FRG1: variants seen among roughly 807,000 people sequenced by gnomAD.
FRG1 encodes protein FRG1.
Under a neutral mutation model 37.0 loss-of-function variants are expected in FRG1, and 19 were observed. The observed-to-expected ratio is 0.51, with a 90% CI of 0.36 to 0.75. The LOEUF is 0.75. Ranked by LOEUF, FRG1 falls within the 30% of genes least tolerant of loss-of-function variation. FRG1 has a pLI of 0.00. For synonymous variants in FRG1, 73 were observed against 96.5 expected, an observed-to-expected ratio of 0.76 and a Z score of 1.43; for missense variants, 243 against 301.4, an observed-to-expected ratio of 0.81 and a Z score of 1.44.
chr4:189,954,823 T>C (rs923744496), intron 4 of FRG1, among the ~76,000 whole-genome samples: 2 of 152,100 alleles, frequency 1.3e-5, no homozygotes, highest in African/African-American at 4.8e-5. Context: ...CTTGAACTTC[T>C]TGCCTCAAGC....
At chr4:189,956,227 C>T (rs1158862674) in intron 5 of FRG1, among the ~76,000 whole-genome samples, 1 of 152,086 alleles carries the variant, frequency 6.6e-6, no homozygotes, top group Non-Finnish European at 1.5e-5. Flanking sequence ...TTCCCCCGCC[C>T]CCCATACCGT....
intron 2 of FRG1, among the ~76,000 whole-genome samples, chr4:189,947,880 C>T (rs1201896011): frequency 2.6e-5 from 4 of 152,228 alleles, no homozygotes; most frequent in African/African-American, 9.6e-5. Context: ...TACCTCTCTC[C>T]GTGTGGTCAA....
chr4:189,946,680 T>C (rs1736542675), intron 2 of FRG1, among the ~76,000 whole-genome samples: 1 of 152,226 alleles, frequency 6.6e-6, no homozygotes, highest in Non-Finnish European at 1.5e-5. Context: ...ACGTGAGTTA[T>C]TTAAAAGTAT....
At chr4:189,944,369 G>C (rs529243805) in intron 2 of FRG1, among the ~76,000 whole-genome samples, 2 of 151,880 alleles carry the variant, frequency 1.3e-5, no homozygotes, top group East Asian at 1.9e-4. Flanking sequence ...GTAGCAACAG[G>C]GTTTCACCAT....
chr4:189,945,085 G>A (rs1736470574), intron 2 of FRG1, among the ~76,000 whole-genome samples: 1 of 152,156 alleles, frequency 6.6e-6, no homozygotes, highest in African/African-American at 2.4e-5. Context: ...TTTGCTGTCA[G>A]TATGTAGATA....
intron 1 of FRG1, 39 bp from the exon 2 acceptor site, chr4:189,943,163 A>G: frequency 6.6e-7 from 1 of 1,514,416 alleles, no homozygotes; most frequent in Non-Finnish European, 9.0e-7. Context: ...CGTACAAATC[A>G]ATATACCTAA....
At chr4:189,954,298 A>G (rs1736885849) in intron 4 of FRG1, among the ~76,000 whole-genome samples, 1 of 152,192 alleles carries the variant, frequency 6.6e-6, no homozygotes, top group Admixed American at 6.5e-5. Flanking sequence ...GTTTGATGAC[A>G]TAAGAACTTT....
chr4:189,948,100 C>A (rs1257814690), intron 2 of FRG1, among the ~76,000 whole-genome samples: 2 of 152,278 alleles, frequency 1.3e-5, no homozygotes, highest in African/African-American at 4.8e-5. Flanking sequence ...GCGTCTTTTT[C>A]TCTTTGTCCT....
In FRG1 at chr4:189,941,039, C is replaced by G. The variant is rs774732826; in HGVS notation, c.30C>G (p.Thr10=). ...CCGAGTACTCCTACGTGAAGTCTAC[C>G]AAGCTCGTGCTCAAGGGAACCAAGA... MAEYSYVKS[T]KLVLKGTKTK... Residue 10 remains threonine, a synonymous_variant, in exon 1 of 9, where the codon ACC becomes ACG. Coordinates refer to ENST00000226798, the MANE Select transcript of FRG1 (RefSeq NM_004477.3). The G allele has an allele frequency of 2.0e-5, 33 of 1,614,022 alleles. No homozygotes were observed. The highest frequency in any genetic ancestry group is 1.9e-4 in the South Asian group (17 of 91,084).
intron 8 of FRG1, among the ~76,000 whole-genome samples, chr4:189,962,696 T>G (rs1360254699): frequency 6.6e-6 from 1 of 152,202 alleles, no homozygotes. Context: ...TATCTCATTG[T>G]AAGAAATCAA....
intron 2 of FRG1, among the ~76,000 whole-genome samples, chr4:189,949,166 T>C (rs1035332217): frequency 3.2e-4 from 49 of 152,224 alleles, no homozygotes; most frequent in South Asian, 2.1e-4. Context: ...ATCTGCACCA[T>C]ATACACAGCT....
intron 5 of FRG1, among the ~76,000 whole-genome samples, chr4:189,955,568 T>C (rs558994129): frequency 6.6e-6 from 1 of 152,284 alleles, no homozygotes; most frequent in African/African-American, 2.4e-5. Flanking sequence ...ATAATAATAG[T>C]TCATTGAAGT....
intron 6 of FRG1, among the ~76,000 whole-genome samples, chr4:189,958,115 T>C (rs534080592): frequency 2.7e-4 from 41 of 152,136 alleles, no homozygotes; most frequent in African/African-American, 9.4e-4. Context: ...GTTTTCTCTT[T>C]TTCTTGCTTT....
chr4:189,943,170 C>G, intron 1 of FRG1, 32 bp from the exon 2 acceptor site: 1 of 1,527,922 alleles, frequency 6.5e-7, no homozygotes, highest in Non-Finnish European at 8.9e-7. Context: ...ATCAATATAC[C>G]TAAACTCGTC....
intron 6 of FRG1, chr4:189,959,859 C>T: frequency 1.0e-6 from 1 of 983,490 alleles, no homozygotes; most frequent in Non-Finnish European, 1.2e-6. Flanking sequence ...CTCCTAATCT[C>T]TGTCAGCCCT....
At chr4:189,955,204 G>T in intron 5 of FRG1, 53 bp downstream of exon 5, 3 of 1,046,850 alleles carry the variant, frequency 2.9e-6, no homozygotes, top group Non-Finnish European at 4.5e-6. Flanking sequence ...CAGAAAGTCT[G>T]TTAACAGTCA....
intron 2 of FRG1, among the ~76,000 whole-genome samples, chr4:189,951,614 G>T (rs1479897696): frequency 1.3e-5 from 2 of 152,124 alleles, no homozygotes; most frequent in East Asian, 1.9e-4. Flanking sequence ...TCTATCATGA[G>T]AGAGACCATT....
chr4:189,953,680 T>C (rs28673445), intron 4 of FRG1, among the ~76,000 whole-genome samples: 19,532 of 152,060 alleles, frequency 0.13, 3,761 homozygotes, highest in African/African-American at 0.41. Flanking sequence ...TGATTTCTGT[T>C]ATATAATCAT....
rs1737307559 is a variant in FRG1 at position 189,963,108 on chromosome 4, A to G, written c.756A>G (p.Lys252=). The change falls in exon 9 of 9, where the codon AAA becomes AAG. Residue 252 remains lysine (K), a synonymous_variant. Transcript: ENST00000226798. The part of the protein sequence containing the change: ...ETLLDRRAKL[K]ADRYCK Reference sequence around the variant, plus strand: ...GTTTAAACAGGAGAGCCAAATTGAAAGCCGACAGATACTGCAAGTGACTGG... The same window carrying G: ...GTTTAAACAGGAGAGCCAAATTGAAGGCCGACAGATACTGCAAGTGACTGG... The G allele has an allele frequency of 6.2e-7, 1 of 1,611,882 alleles. No homozygotes were observed. Among genetic ancestry groups the G allele is most frequent in the Admixed American group, 1.7e-5 (1 of 59,812 alleles).
Sources: gnomAD v4.1 joint callset for allele counts (sites outside exome capture counted in the v4.1 genomes callset) on GRCh38, gnomAD v4.1.1 for gene constraint, MANE v1.5 for transcripts, NCBI Gene and HGNC (gene_info 2026-07-23, HGNC 2026-07-21) for gene names.